Variants in TENM2 observed in about 807,000 individuals in gnomAD.
TENM2 encodes teneurin transmembrane protein 2.
TENM2 carries 52 observed loss-of-function variants against 245.2 expected under a neutral mutation model. That is an observed-to-expected ratio of 0.21 (90% CI 0.17 to 0.27). The LOEUF (loss-of-function observed/expected upper bound fraction) is 0.27. Among genes scored for constraint, TENM2 ranks in the 10% least tolerant of loss-of-function variants. TENM2 has a pLI of 1.00. For missense variants in TENM2, 3,046 were observed against 3,666.8 expected, an observed-to-expected ratio of 0.83 and a Z score of 4.37; for synonymous variants, 1,363 against 1,438.9, an observed-to-expected ratio of 0.95 and a Z score of 1.19.
chr5:168,121,531 C>A (rs997325050), intron 10 of TENM2, among the ~76,000 whole-genome samples: 1 of 152,170 alleles, frequency 6.6e-6, no homozygotes, highest in East Asian at 1.9e-4. Context: ...TTTTTAGATA[C>A]AATAAATGGT....
chr5:167,398,720 G>A (rs1321038746), intron 2 of TENM2, among the ~76,000 whole-genome samples: 29 of 152,074 alleles, frequency 1.9e-4, no homozygotes, highest in African/African-American at 4.8e-5. Flanking sequence ...GATTACAGGC[G>A]TGAGGTGCTA....
chr5:167,999,920 T>C (rs560621265), intron 5 of TENM2, among the ~76,000 whole-genome samples: 64 of 152,288 alleles, frequency 4.2e-4, no homozygotes, highest in African/African-American at 1.5e-3. Flanking sequence ...GAAACAACAA[T>C]GGTATCGTCT....
chr5:167,240,885 C>T, the TENM2 span, among the ~76,000 whole-genome samples: 2 of 152,276 alleles, frequency 1.3e-5, no homozygotes, highest in Admixed American at 1.3e-4. Flanking sequence ...TGAGCCAATT[C>T]CTCTTCCACA....
the TENM2 span, among the ~76,000 whole-genome samples, chr5:166,982,089 G>A: frequency 2.0e-5 from 3 of 152,082 alleles, no homozygotes; most frequent in African/African-American, 7.2e-5. Context: ...TGATAGCCTT[G>A]CTGGTAACTT....
chr5:167,714,148 A>C (rs905850209), intron 2 of TENM2, among the ~76,000 whole-genome samples: 1 of 152,202 alleles, frequency 6.6e-6, no homozygotes, highest in African/African-American at 2.4e-5. Flanking sequence ...CCTTCTTTAT[A>C]GCCAGGAGTG....
the TENM2 span, among the ~76,000 whole-genome samples, chr5:167,131,169 G>A: frequency 6.6e-6 from 1 of 152,078 alleles, no homozygotes. Flanking sequence ...TCTCTGATGG[G>A]TTGGAGACCT....
At chr5:167,741,219 G>A (rs541484782) in intron 2 of TENM2, among the ~76,000 whole-genome samples, 2 of 152,156 alleles carry the variant, frequency 1.3e-5, no homozygotes, top group Non-Finnish European at 2.9e-5. Context: ...ACTGTCAAGA[G>A]TAAGCTCCAC....
intron 2 of TENM2, among the ~76,000 whole-genome samples, chr5:167,628,259 G>C (rs279387): frequency 6.6e-6 from 1 of 151,984 alleles, no homozygotes; most frequent in African/African-American, 2.4e-5. Flanking sequence ...TGTTTTGCAC[G>C]TTCCTGTTAT....
the TENM2 span, among the ~76,000 whole-genome samples, chr5:167,057,413 ATGGG>A: frequency 3.4e-4 from 52 of 152,232 alleles, 1 homozygote; most frequent in East Asian, 9.5e-3. Flanking sequence ...TTGTTCAAAG[ATGGG>A]CATGGTGTAC....
At chr5:167,734,491 A>G (rs1238684340) in intron 2 of TENM2, among the ~76,000 whole-genome samples, 2 of 148,478 alleles carry the variant, frequency 1.3e-5, no homozygotes, top group Non-Finnish European at 3.0e-5. Flanking sequence ...TATGCAATAT[A>G]TTATATATAA....
At chr5:167,832,823 T>C (rs1343620892) in intron 2 of TENM2, among the ~76,000 whole-genome samples, 1 of 152,180 alleles carries the variant, frequency 6.6e-6, no homozygotes, top group Non-Finnish European at 1.5e-5. Flanking sequence ...AAAGGCCCAT[T>C]GTGCAATACG....
intron 2 of TENM2, among the ~76,000 whole-genome samples, chr5:167,505,632 G>A (rs2127561979): frequency 6.6e-6 from 1 of 152,248 alleles, no homozygotes; most frequent in East Asian, 1.9e-4. Context: ...GGTGGGAGTG[G>A]TACAAACTGA....
chr5:168,155,733 T>C (rs1364959989), intron 12 of TENM2, among the ~76,000 whole-genome samples: 1 of 152,082 alleles, frequency 6.6e-6, no homozygotes, highest in Admixed American at 6.5e-5. Context: ...CTTCAGCCTA[T>C]GTGCTAAAGG....
intron 2 of TENM2, among the ~76,000 whole-genome samples, chr5:167,508,384 G>T (rs1027925598): frequency 6.6e-6 from 1 of 152,122 alleles, no homozygotes; most frequent in Non-Finnish European, 1.5e-5. Context: ...TTAACTATGC[G>T]CCACAGTCCT....
At chr5:167,293,341 A>G (rs1429756720) in intron 1 of TENM2, among the ~76,000 whole-genome samples, 1 of 149,688 alleles carries the variant, frequency 6.7e-6, no homozygotes, top group Non-Finnish European at 1.5e-5. Flanking sequence ...AGCTGGCATT[A>G]CAGGGATGCG....
At chr5:167,739,834 C>G (rs1308732852) in intron 2 of TENM2, among the ~76,000 whole-genome samples, 1 of 152,164 alleles carries the variant, frequency 6.6e-6, no homozygotes, top group African/African-American at 2.4e-5. Flanking sequence ...ACCTTGAGCA[C>G]TGAAATGACA....
intron 2 of TENM2, among the ~76,000 whole-genome samples, chr5:167,508,647 A>T (rs1266524052): frequency 6.6e-6 from 1 of 152,252 alleles, no homozygotes; most frequent in Non-Finnish European, 1.5e-5. Context: ...TGCAACAGAA[A>T]TAAGCTAATG....
Position 167,358,996 on chromosome 5 carries a change from C to T in TENM2, c.227-16202C>T, listed in dbSNP as rs577808041. ...CAGCAAATTTCAAGACTGCCCACCCCGACACTCTTTCCATCCGGACGGGCT... is the reference window on the plus strand; with the variant it reads ...CAGCAAATTTCAAGACTGCCCACCCTGACACTCTTTCCATCCGGACGGGCT... On this transcript the variant is annotated intron_variant, in intron 1 of 28. Transcript: ENST00000518659. Among the ~76,000 whole-genome samples the T allele has an allele frequency of 1.2e-4, 18 of 152,034 alleles. No individual in the cohort carries two copies. In the South Asian group the frequency reaches 2.5e-3, roughly 21 times the overall value.
chr5:167,329,028 G>A (rs1228974915), intron 1 of TENM2, among the ~76,000 whole-genome samples: 3 of 152,094 alleles, frequency 2.0e-5, no homozygotes, highest in Non-Finnish European at 2.9e-5. Flanking sequence ...TTGGAGAAAG[G>A]AGTTAGTACC....
Sources: allele counts gnomAD v4.1 joint callset (sites outside exome capture counted in the v4.1 genomes callset), GRCh38; gene constraint gnomAD v4.1.1; transcripts MANE v1.5; gene names NCBI Gene and HGNC (gene_info 2026-07-23, HGNC 2026-07-21).